Variants in KSR1 observed in about 807,000 individuals in gnomAD.
KSR1 encodes kinase suppressor of ras.
Under a neutral mutation model 92.9 loss-of-function variants are expected in KSR1, and 35 were observed. That is an observed-to-expected ratio of 0.38 (90% CI 0.29 to 0.50). KSR1 has a LOEUF of 0.50. KSR1 is among the 20% of genes least tolerant of loss of function. The pLI, the probability that KSR1 is intolerant of heterozygous loss-of-function variation, is 0.94. For missense variants in KSR1, 972 were observed against 1,158.5 expected, an observed-to-expected ratio of 0.84 and a Z score of 2.34; for synonymous variants, 467 against 472.6, an observed-to-expected ratio of 0.99 and a Z score of 0.15.
intron 3 of KSR1, 67 bp from the exon 4 acceptor site, chr17:27,582,579 C>T (rs1160027027): frequency 1.4e-6 from 2 of 1,435,542 alleles, no homozygotes; most frequent in Non-Finnish European, 1.9e-6. Flanking sequence ...ATCTCTGGCC[C>T]CTAGCCATCT....
chr17:27,525,193 C>T (rs184110017), intron 1 of KSR1, among the ~76,000 whole-genome samples: 11 of 152,324 alleles, frequency 7.2e-5, no homozygotes, highest in Admixed American at 2.6e-4. Flanking sequence ...ATTCCAGCTC[C>T]GCCTCTTACT....
chr17:27,503,468 G>T (rs925341942), intron 1 of KSR1, among the ~76,000 whole-genome samples: 4 of 152,178 alleles, frequency 2.6e-5, no homozygotes, highest in Non-Finnish European at 5.9e-5. Context: ...GGAGGCCGAG[G>T]TGGGCAAATC....
At chr17:27,466,140 G>C (rs2019682860) in intron 1 of KSR1, among the ~76,000 whole-genome samples, 1 of 152,238 alleles carries the variant, frequency 6.6e-6, no homozygotes, top group Non-Finnish European at 1.5e-5. Context: ...TTCTTCCACT[G>C]AACGTAGTTG....
At chr17:27,464,600 G>T (rs1236913015) in intron 1 of KSR1, among the ~76,000 whole-genome samples, 1 of 151,632 alleles carries the variant, frequency 6.6e-6, no homozygotes, top group Non-Finnish European at 1.5e-5. Flanking sequence ...CACACCTGTT[G>T]TCCCAGCTAC....
At chr17:27,513,594 T>G (rs1360089336) in intron 1 of KSR1, among the ~76,000 whole-genome samples, 2 of 152,196 alleles carry the variant, frequency 1.3e-5, no homozygotes, top group Non-Finnish European at 2.9e-5. Context: ...TGGCTCACCT[T>G]AGCAAGGGTG....
intron 2 of KSR1, chr17:27,560,365 C>T: frequency 1.9e-6 from 1 of 516,706 alleles, no homozygotes; most frequent in East Asian, 5.5e-5. Context: ...GTGGGTGCTG[C>T]AGAGTCTGGG....
At chr17:27,494,182 A>T (rs1455465145) in intron 1 of KSR1, among the ~76,000 whole-genome samples, 1 of 152,204 alleles carries the variant, frequency 6.6e-6, no homozygotes, top group Non-Finnish European at 1.5e-5. Context: ...GCTTCCAGGA[A>T]CAAAAAGTGG....
chr17:27,511,137 A>C (rs916555273), intron 1 of KSR1, among the ~76,000 whole-genome samples: 1 of 152,254 alleles, frequency 6.6e-6, no homozygotes, highest in Admixed American at 6.5e-5. Context: ...AAAAGTGAGA[A>C]GGGTGAGGAG....
At chr17:27,463,467 GAAAAAAA>G (rs963635192) in intron 1 of KSR1, among the ~76,000 whole-genome samples, 1 of 109,646 alleles carries the variant, frequency 9.1e-6, no homozygotes, top group Non-Finnish European at 1.9e-5. Context: ...GGATGACAGA[GAAAAAAA>G]AAAAAAAAAA....
chr17:27,465,174 A>G (rs1385714406), intron 1 of KSR1: 1 of 152,212 alleles, frequency 6.6e-6, no homozygotes, highest in African/African-American at 2.4e-5. Flanking sequence ...TGTCATTTGC[A>G]TTGAAAAAGT....
chr17:27,457,000 T>C, intron 1 of KSR1, 126 bp downstream of exon 1: 1 of 659,458 alleles, frequency 1.5e-6, no homozygotes, highest in Admixed American at 2.4e-5. Context: ...TTCCCCTCCC[T>C]CCTGCACTCG....
intron 2 of KSR1, among the ~76,000 whole-genome samples, chr17:27,562,059 TAGTCTTGAACTCTAGTCCTCA>T (rs2071852122): frequency 6.6e-6 from 1 of 152,186 alleles, no homozygotes; most frequent in South Asian, 2.1e-4. Context: ...TTGGCCAGGC[TAGTCTTGAACTCTAGTCCTCA>T]AGTGATCTGC....
intron 1 of KSR1, among the ~76,000 whole-genome samples, chr17:27,505,970 G>C (rs60933945): frequency 0.014 from 2,200 of 152,168 alleles, 43 homozygotes; most frequent in African/African-American, 0.046. Context: ...TGATGTTCTT[G>C]GTACTTTTCT....
intron 4 of KSR1, among the ~76,000 whole-genome samples, chr17:27,584,295 C>T (rs970680451): frequency 6.6e-6 from 1 of 152,148 alleles, no homozygotes; most frequent in African/African-American, 2.4e-5. Context: ...TTGGAGTCAT[C>T]TTTGGAACGG....
chr17:27,534,899 C>T, intron 1 of KSR1, among the ~76,000 whole-genome samples: 1 of 152,198 alleles, frequency 6.6e-6, no homozygotes, highest in East Asian at 1.9e-4. Context: ...ATATCTCCTT[C>T]CTCTGACCAG....
At chr17:27,473,363 G>T (rs952049590) in intron 1 of KSR1, among the ~76,000 whole-genome samples, 1 of 152,170 alleles carries the variant, frequency 6.6e-6, no homozygotes, top group Non-Finnish European at 1.5e-5. Context: ...CTCGTTTTTC[G>T]CATCATTGGA....
chr17:27,490,180 A>AG (rs1313185266), intron 1 of KSR1, among the ~76,000 whole-genome samples: 1 of 152,184 alleles, frequency 6.6e-6, no homozygotes, highest in Non-Finnish European at 1.5e-5. Context: ...CATTTGTACA[A>AG]GGGGGCTGTT....
chr17:27,553,836 A>G (rs1214847538), intron 2 of KSR1, among the ~76,000 whole-genome samples: 2 of 152,226 alleles, frequency 1.3e-5, no homozygotes. Flanking sequence ...ACCTTGGTTC[A>G]GTTCTACCTC....
intron 1 of KSR1, chr17:27,483,997 C>T (rs1250901612): frequency 6.6e-6 from 1 of 152,284 alleles, no homozygotes; most frequent in Admixed American, 6.5e-5. Flanking sequence ...GGAGAACTCC[C>T]TGTGTTGCAG....
Sources: gnomAD v4.1 joint callset for allele counts (sites outside exome capture counted in the v4.1 genomes callset) on GRCh38, gnomAD v4.1.1 for gene constraint, MANE v1.5 for transcripts, NCBI Gene and HGNC (gene_info 2026-07-23, HGNC 2026-07-21) for gene names.